Variants in KCNS3 observed in about 807,000 individuals in gnomAD.
The protein encoded by KCNS3 is delayed-rectifier potassium channel regulatory subunit KCNS3.
In KCNS3, 13 loss-of-function variants were observed where a neutral mutation model predicts 31.0. The ratio of observed to expected loss-of-function variants is 0.42; its 90% CI spans 0.27 to 0.67. The LOEUF (loss-of-function observed/expected upper bound fraction) is 0.67. Ranked by LOEUF, KCNS3 falls within the 30% of genes least tolerant of loss-of-function variation. The pLI is 0.25. For missense variants in KCNS3, 545 were observed against 622.4 expected (o/e 0.88, Z 1.32); for synonymous variants, 238 against 241.5 (o/e 0.99, Z 0.13).
At chr2:17,928,326 G>A (rs1387201905) in intron 2 of KCNS3, among the ~76,000 whole-genome samples, 4 of 152,204 alleles carry the variant, frequency 2.6e-5, no homozygotes, top group African/African-American at 9.7e-5. Context: ...GAGTGCAGTA[G>A]TGCGATCTCG....
chr2:17,922,654 C>A (rs992815502), intron 2 of KCNS3, among the ~76,000 whole-genome samples: 3 of 152,190 alleles, frequency 2.0e-5, no homozygotes, highest in Admixed American at 2.0e-4. Flanking sequence ...ATTAATAGTA[C>A]CCATCTCCCC....
chr2:17,910,732 G>A (rs1225009903), intron 1 of KCNS3, among the ~76,000 whole-genome samples: 1 of 152,028 alleles, frequency 6.6e-6, no homozygotes, highest in African/African-American at 2.4e-5. Context: ...GAGGCCCGAG[G>A]TGTGGTCCTT....
intron 1 of KCNS3, among the ~76,000 whole-genome samples, chr2:17,903,513 T>G (rs867504636): frequency 2.0e-5 from 3 of 152,300 alleles, no homozygotes; most frequent in South Asian, 2.1e-4. Context: ...GTGTGCAGGT[T>G]TGTTACATAT....
intron 1 of KCNS3, among the ~76,000 whole-genome samples, chr2:17,914,765 G>A (rs911643447): frequency 6.6e-6 from 1 of 152,186 alleles, no homozygotes; most frequent in Non-Finnish European, 1.5e-5. Context: ...AAGATTGTGG[G>A]CAGGACAGTG....
At chr2:17,907,353 C>G (rs1327428258) in intron 1 of KCNS3, among the ~76,000 whole-genome samples, 1 of 152,180 alleles carries the variant, frequency 6.6e-6, no homozygotes, top group Non-Finnish European at 1.5e-5. Flanking sequence ...CTATGTGTGT[C>G]TCTGCACGTG....
At chr2:17,884,271 ATATAT>A (rs1558445180) in intron 1 of KCNS3, among the ~76,000 whole-genome samples, 1,294 of 33,700 alleles carry the variant, frequency 0.038, 16 homozygotes, top group Non-Finnish European at 0.061. Context: ...AAAAAAAAAT[ATATAT>A]ATATATATAT....
chr2:17,887,467 G>A (rs374739680), intron 1 of KCNS3, among the ~76,000 whole-genome samples: 5 of 134,966 alleles, frequency 3.7e-5, no homozygotes, highest in South Asian at 2.5e-4. Flanking sequence ...TTATGGCTGC[G>A]TTGTATTCTA....
At chr2:17,916,669 G>A (rs12476193) in intron 1 of KCNS3, among the ~76,000 whole-genome samples, 47,018 of 152,028 alleles carry the variant, frequency 0.31, 8,647 homozygotes, top group Non-Finnish European at 0.43. Context: ...GATGTTGTTA[G>A]GATGCTATTC....
At chr2:17,877,892 G>T (rs1482595926), upstream of KCNS3, 1 of 152,228 alleles carries the variant, frequency 6.6e-6, no homozygotes, top group Non-Finnish European at 1.5e-5. Flanking sequence ...CGCTGTCCTC[G>T]CCGAGGTCCT....
chr2:17,923,621 C>T (rs1662770952), intron 2 of KCNS3, among the ~76,000 whole-genome samples: 1 of 151,752 alleles, frequency 6.6e-6, no homozygotes, highest in Admixed American at 6.6e-5. Context: ...ACATTCAGGC[C>T]TTTGATGTAT....
chr2:17,907,489 T>C (rs1419084716), intron 1 of KCNS3, among the ~76,000 whole-genome samples: 3 of 152,248 alleles, frequency 2.0e-5, no homozygotes, highest in South Asian at 2.1e-4. Flanking sequence ...TGTGTGAATT[T>C]GATCCACTCC....
chr2:17,930,522 C>A (rs1045642474), intron 2 of KCNS3, among the ~76,000 whole-genome samples: 1 of 152,146 alleles, frequency 6.6e-6, no homozygotes, highest in African/African-American at 2.4e-5. Flanking sequence ...GAGCTTCAAG[C>A]CTGGCAGCAA....
intron 1 of KCNS3, among the ~76,000 whole-genome samples, chr2:17,890,580 C>T (rs1213639823): frequency 6.6e-6 from 1 of 152,094 alleles, no homozygotes; most frequent in African/African-American, 2.4e-5. Context: ...GAACTTTCCT[C>T]TTAACACTGC....
chr2:17,883,690 A>G (rs1452468003), intron 1 of KCNS3, among the ~76,000 whole-genome samples: 1 of 152,230 alleles, frequency 6.6e-6, no homozygotes, highest in African/African-American at 2.4e-5. Flanking sequence ...AGGAACTTCA[A>G]GAGAACAAGG....
At chr2:17,888,551 A>G (rs1270876038) in intron 1 of KCNS3, among the ~76,000 whole-genome samples, 4 of 148,772 alleles carry the variant, frequency 2.7e-5, no homozygotes, top group Non-Finnish European at 5.9e-5. Flanking sequence ...GCACACCAAC[A>G]TGGCACATGT....
chr2:17,908,715 T>G (rs745831983), intron 1 of KCNS3, among the ~76,000 whole-genome samples: 7 of 152,218 alleles, frequency 4.6e-5, no homozygotes, highest in Non-Finnish European at 1.0e-4. Flanking sequence ...TGGAGTTTGC[T>G]AGAGGTCCAC....
chr2:17,893,544 G>A (rs932988438), intron 1 of KCNS3, among the ~76,000 whole-genome samples: 3 of 152,184 alleles, frequency 2.0e-5, no homozygotes, highest in South Asian at 2.1e-4. Context: ...ATGGATCCCC[G>A]TGGTGCCAGG....
chr2:17,926,127 A>C (rs1484323236), intron 2 of KCNS3, among the ~76,000 whole-genome samples: 1 of 152,212 alleles, frequency 6.6e-6, no homozygotes, highest in Admixed American at 6.5e-5. Flanking sequence ...GGAGCCATTA[A>C]GTCTTAAAGC....
chr2:17,927,621 G>T (rs959845655), intron 2 of KCNS3, among the ~76,000 whole-genome samples: 3 of 152,122 alleles, frequency 2.0e-5, no homozygotes, highest in East Asian at 1.9e-4. Flanking sequence ...ATGAGCAAAG[G>T]GGGAAGAGCC....
Sources: allele counts gnomAD v4.1 joint callset (sites outside exome capture counted in the v4.1 genomes callset), GRCh38; gene constraint gnomAD v4.1.1; transcripts MANE v1.5; gene names NCBI Gene and HGNC (gene_info 2026-07-23, HGNC 2026-07-21).